EPHA6: variants seen among roughly 807,000 people sequenced by gnomAD.
EPHA6 encodes the protein EPH receptor A6.
In EPHA6, 50 loss-of-function variants were observed where a neutral mutation model predicts 112.0. The ratio of observed to expected loss-of-function variants is 0.45; its 90% CI spans 0.36 to 0.56. The LOEUF is 0.56. EPHA6 is among the 20% of genes least tolerant of loss of function. The probability of loss-of-function intolerance (pLI) is 0.00; values close to 1 mark genes in which losing one functional copy is unlikely to be tolerated. For missense variants in EPHA6, 1,280 were observed against 1,417.4 expected, an observed-to-expected ratio of 0.90 and a Z score of 1.56; for synonymous variants, 529 against 490.7, an observed-to-expected ratio of 1.08 and a Z score of -1.03.
chr3:97,341,557 G>T (rs1199442678), intron 5 of EPHA6, among the ~76,000 whole-genome samples: 1 of 152,028 alleles, frequency 6.6e-6, no homozygotes, highest in African/African-American at 2.4e-5. Flanking sequence ...GTTTCACCAT[G>T]TTGGCCAGGA....
intron 10 of EPHA6, among the ~76,000 whole-genome samples, chr3:97,511,985 C>T (rs1001173539): frequency 6.6e-6 from 1 of 151,802 alleles, no homozygotes; most frequent in Non-Finnish European, 1.5e-5. Flanking sequence ...AGATATACAT[C>T]GCAATCTAGG....
Position 97,189,389 on chromosome 3 carries a change from G to T in EPHA6, c.1115-36875G>T, listed in dbSNP as rs191383189. Among the ~76,000 whole-genome samples the T allele has an allele frequency of 6.1e-3, 930 of 152,078 alleles. 8 individuals are homozygous for T. Among genetic ancestry groups the T allele is most frequent in the African/African-American group, 0.021 (888 of 41,510 alleles). ...TCCTAGAAAGTTAGTTCAGCTGAGG[G>T]TTTTCTGAAATAAAATTATTTTTGC... is the stretch of plus-strand genomic sequence containing the variant. On this transcript the variant is annotated intron_variant, in intron 3 of 17. Transcript: ENST00000389672.
intron 6 of EPHA6, among the ~76,000 whole-genome samples, chr3:97,435,608 T>C (rs771575294): frequency 2.0e-5 from 3 of 152,172 alleles, no homozygotes; most frequent in Non-Finnish European, 2.9e-5. Context: ...ATAGCATCCA[T>C]TACTCGCTCC....
chr3:97,278,873 T>C (rs1004870098), intron 5 of EPHA6, among the ~76,000 whole-genome samples: 11 of 151,936 alleles, frequency 7.2e-5, no homozygotes, highest in African/African-American at 2.7e-4. Flanking sequence ...GAGCTGAGAG[T>C]GTATCTGAGG....
intron 3 of EPHA6, among the ~76,000 whole-genome samples, chr3:97,098,372 T>A (rs1360917081): frequency 6.6e-6 from 1 of 151,956 alleles, no homozygotes; most frequent in Non-Finnish European, 1.5e-5. Flanking sequence ...AAACTTAAAT[T>A]TAATTTAACT....
intron 2 of EPHA6, among the ~76,000 whole-genome samples, chr3:96,885,270 T>C (rs1036767170): frequency 6.6e-6 from 1 of 152,170 alleles, no homozygotes; most frequent in African/African-American, 2.4e-5. Flanking sequence ...CTTCTTTCTC[T>C]ATCTTGTCAA....
intron 4 of EPHA6, among the ~76,000 whole-genome samples, chr3:97,241,502 T>C (rs2078843965): frequency 1.3e-5 from 2 of 151,906 alleles, no homozygotes; most frequent in South Asian, 4.1e-4. Flanking sequence ...TTATAAATGA[T>C]AACAAAGCAA....
At chr3:96,984,768 C>T (rs1038506628) in intron 2 of EPHA6, among the ~76,000 whole-genome samples, 1 of 152,224 alleles carries the variant, frequency 6.6e-6, no homozygotes, top group Non-Finnish European at 1.5e-5. Context: ...GTCCCTCCCC[C>T]AGCCCTGCTG....
chr3:96,960,262 T>C (rs1331235530), intron 2 of EPHA6, among the ~76,000 whole-genome samples: 4 of 152,138 alleles, frequency 2.6e-5, no homozygotes, highest in African/African-American at 9.7e-5. Context: ...TTTTTCTTTA[T>C]TGGAGGTGAG....
At chr3:97,265,503 C>T (rs1399989559) in intron 5 of EPHA6, among the ~76,000 whole-genome samples, 1 of 152,214 alleles carries the variant, frequency 6.6e-6, no homozygotes, top group African/African-American at 2.4e-5. Flanking sequence ...CGCCTGGGCT[C>T]AGCCCCAGCC....
chr3:97,148,137 CAG>C (rs2076087332), intron 3 of EPHA6, among the ~76,000 whole-genome samples: 1 of 151,972 alleles, frequency 6.6e-6, no homozygotes, highest in Admixed American at 6.6e-5. Flanking sequence ...CATATGCACC[CAG>C]AGACACTTGT....
At chr3:97,031,539 C>T (rs1366545574) in intron 3 of EPHA6, among the ~76,000 whole-genome samples, 1 of 151,942 alleles carries the variant, frequency 6.6e-6, no homozygotes, top group Non-Finnish European at 1.5e-5. Context: ...ATTTTTGCAA[C>T]CTACTCATCT....
At position 97,515,247 on chromosome 3, in the gene EPHA6, T is replaced by C. The variant is rs995782365; in HGVS notation, c.2201-17111T>C. On this transcript the variant is annotated intron_variant, in intron 10 of 17. Transcript: ENST00000389672. ...ATGACTAGCAGATGGTTGAATTTGT[T>C]TTAGGTTTCAATTGCAGGGTGTGTG... Among the ~76,000 whole-genome samples, 20 of 152,178 alleles carry C rather than the reference T, an allele frequency of 1.3e-4. 1 individual carries two copies. The highest frequency in any genetic ancestry group is 1.9e-4 in the Non-Finnish European group (13 of 68,026).
intron 7 of EPHA6, among the ~76,000 whole-genome samples, chr3:97,451,678 GC>G (rs202214898): frequency 0.031 from 4,700 of 150,932 alleles, 232 homozygotes; most frequent in African/African-American, 0.1. Flanking sequence ...AATGAATAAT[GC>G]CATAGTAGCA....
chr3:96,944,801 G>A (rs767996962), intron 2 of EPHA6, among the ~76,000 whole-genome samples: 10 of 152,142 alleles, frequency 6.6e-5, no homozygotes, highest in African/African-American at 1.2e-4. Flanking sequence ...TTAGCTGAGC[G>A]TGGTGGCGCA....
chr3:97,060,419 T>C (rs970815101), intron 3 of EPHA6, among the ~76,000 whole-genome samples: 1 of 152,168 alleles, frequency 6.6e-6, no homozygotes, highest in African/African-American at 2.4e-5. Flanking sequence ...TGAACATATA[T>C]ATTACAGTGA....
chr3:97,099,247 G>C (rs2047334365), intron 3 of EPHA6, among the ~76,000 whole-genome samples: 1 of 149,000 alleles, frequency 6.7e-6, no homozygotes, highest in South Asian at 2.1e-4. Context: ...TCCCATCAAG[G>C]TTTGCCAACC....
rs1055370819 is a variant in EPHA6 at position 97,306,362 on chromosome 3, C to T, written c.1606+62075C>T. On this transcript the variant is annotated intron_variant, in intron 5 of 17. Transcript: ENST00000389672. ...AATTACCTGAGCATTCTCCACTTGACGGTTTTCTCTCCAGACCTGCCCTTA... is the reference window on the plus strand; with the variant it reads ...AATTACCTGAGCATTCTCCACTTGATGGTTTTCTCTCCAGACCTGCCCTTA... Among the ~76,000 whole-genome samples, 10 of 148,646 alleles carry T rather than the reference C, an allele frequency of 6.7e-5. No homozygotes were observed. The East Asian group carries it at 2.0e-3, about 30-fold the overall frequency.
At chr3:97,161,505 C>G (rs1464817052) in intron 3 of EPHA6, among the ~76,000 whole-genome samples, 1 of 152,086 alleles carries the variant, frequency 6.6e-6, no homozygotes, top group Non-Finnish European at 1.5e-5. Flanking sequence ...ATTCTTGGCT[C>G]CACTCAAAAT....
Sources: allele counts gnomAD v4.1 joint callset (sites outside exome capture counted in the v4.1 genomes callset), GRCh38; gene constraint gnomAD v4.1.1; transcripts MANE v1.5; gene names NCBI Gene and HGNC (gene_info 2026-07-23, HGNC 2026-07-21).